Variants in MNAT1 observed in about 807,000 individuals in gnomAD.
MNAT1 encodes CDK-activating kinase assembly factor MAT1.
A neutral mutation model predicts 42.0 loss-of-function variants in MNAT1; 43 were observed. The ratio of observed to expected loss-of-function variants is 1.02; its 90% confidence interval spans 0.80 to 1.32. The LOEUF is 1.32. Ranked by LOEUF, MNAT1 falls within the 40% of genes most tolerant of loss-of-function variation. The pLI is 0.00. For synonymous variants in MNAT1, 118 were observed against 120.0 expected, an observed-to-expected ratio of 0.98 and a Z score of 0.11; for missense variants, 306 against 350.4, an observed-to-expected ratio of 0.87 and a Z score of 1.01.
intron 7 of MNAT1, among the ~76,000 whole-genome samples, chr14:60,928,410 G>A (rs775879703): frequency 6.6e-6 from 1 of 152,120 alleles, no homozygotes; most frequent in Non-Finnish European, 1.5e-5. Context: ...TAACAAATTT[G>A]TATTTAACTT....
chr14:60,850,883 C>T (rs781453269), intron 6 of MNAT1, among the ~76,000 whole-genome samples: 62 of 152,008 alleles, frequency 4.1e-4, no homozygotes, highest in Non-Finnish European at 7.4e-4. Flanking sequence ...GTTAAGTTGT[C>T]AAAAAACAAA....
chr14:60,954,178 A>G (rs1236518588), intron 7 of MNAT1, among the ~76,000 whole-genome samples: 1 of 151,988 alleles, frequency 6.6e-6, no homozygotes, highest in Non-Finnish European at 1.5e-5. Context: ...TTATTTGCCT[A>G]TTCAAGGTCT....
At chr14:60,794,948 C>T (rs916756622) in intron 1 of MNAT1, among the ~76,000 whole-genome samples, 15 of 151,742 alleles carry the variant, frequency 9.9e-5, no homozygotes, top group Non-Finnish European at 2.2e-4. Context: ...TTAGGCACTG[C>T]GGATAGAGAA....
At chr14:60,922,787 A>G (rs1435774284) in intron 7 of MNAT1, among the ~76,000 whole-genome samples, 3 of 152,240 alleles carry the variant, frequency 2.0e-5, no homozygotes, top group Non-Finnish European at 4.4e-5. Context: ...AGTTCAACGT[A>G]TAAACTCAGT....
intron 6 of MNAT1, among the ~76,000 whole-genome samples, chr14:60,871,004 C>T (rs985371936): frequency 1.3e-5 from 2 of 152,130 alleles, no homozygotes; most frequent in African/African-American, 4.8e-5. Context: ...TATATTGGTC[C>T]TTCACATCTG....
chr14:60,737,242 T>G (rs977457127), intron 1 of MNAT1, among the ~76,000 whole-genome samples: 1 of 152,164 alleles, frequency 6.6e-6, no homozygotes, highest in Admixed American at 6.5e-5. Context: ...AGGTAAAAAT[T>G]TCTGTGGTTC....
At chr14:60,781,323 C>T (rs2031452999) in intron 1 of MNAT1, among the ~76,000 whole-genome samples, 1 of 152,118 alleles carries the variant, frequency 6.6e-6, no homozygotes, top group South Asian at 2.1e-4. Flanking sequence ...ATATAATCCA[C>T]TCATTTTTCT....
At chr14:60,834,186 A>T (rs1017518107) in intron 6 of MNAT1, among the ~76,000 whole-genome samples, 3 of 151,538 alleles carry the variant, frequency 2.0e-5, no homozygotes, top group African/African-American at 7.3e-5. Context: ...TTCTGCTCTG[A>T]TCTTAGTTAT....
At chr14:60,931,285 T>C (rs2035876689) in intron 7 of MNAT1, among the ~76,000 whole-genome samples, 1 of 152,196 alleles carries the variant, frequency 6.6e-6, no homozygotes, top group South Asian at 2.1e-4. Flanking sequence ...CTATAGAATA[T>C]GCCACTTAGA....
At chr14:60,891,070 C>T (rs903137213) in intron 7 of MNAT1, among the ~76,000 whole-genome samples, 1 of 152,186 alleles carries the variant, frequency 6.6e-6, no homozygotes, top group Non-Finnish European at 1.5e-5. Context: ...CCAGTTTGCT[C>T]ATAGTTCTCT....
Position 60,755,290 on chromosome 14 carries a change from C to T in MNAT1, c.89+20339C>T, listed in dbSNP as rs562223385. Among the ~76,000 whole-genome samples, 4 of 152,242 alleles carry T rather than the reference C, an allele frequency of 2.6e-5. No homozygotes were observed. In the East Asian group the frequency reaches 5.8e-4, roughly 22 times the overall value. ...TCCAGAATAGCTGGGACTGCAGGCACGTGCCACCACACCTGGCTACTTTTT... is the reference window on the plus strand; with the variant it reads ...TCCAGAATAGCTGGGACTGCAGGCATGTGCCACCACACCTGGCTACTTTTT... On this transcript the variant is annotated intron_variant, in intron 1 of 7. Transcript: ENST00000261245.
chr14:60,752,281 T>G (rs529566028), intron 1 of MNAT1, among the ~76,000 whole-genome samples: 3 of 152,310 alleles, frequency 2.0e-5, no homozygotes, highest in African/African-American at 7.2e-5. Context: ...ATTTTTGAGA[T>G]CTATTGGAGC....
chr14:60,901,345 A>C (rs969018648), intron 7 of MNAT1, among the ~76,000 whole-genome samples: 1 of 152,210 alleles, frequency 6.6e-6, no homozygotes, highest in African/African-American at 2.4e-5. Flanking sequence ...ACATCTGGTC[A>C]CCTAAGACTT....
chr14:60,945,259 A>G (rs1267366851), intron 7 of MNAT1, among the ~76,000 whole-genome samples: 2 of 152,056 alleles, frequency 1.3e-5, no homozygotes, highest in East Asian at 3.9e-4. Flanking sequence ...TTTTTTTCTA[A>G]ATCCATCTTT....
chr14:60,913,894 TTTTG>T (rs1375497576), intron 7 of MNAT1, among the ~76,000 whole-genome samples: 1 of 152,324 alleles, frequency 6.6e-6, no homozygotes, highest in East Asian at 1.9e-4. Context: ...GTTATTGCTC[TTTTG>T]TTTGTCTGTG....
intron 6 of MNAT1, among the ~76,000 whole-genome samples, chr14:60,865,095 TACTAGGC>T (rs1305174197): frequency 6.6e-6 from 1 of 152,088 alleles, no homozygotes; most frequent in Non-Finnish European, 1.5e-5. Context: ...CCAACTACTG[TACTAGGC>T]ACAGAAGAGT....
At chr14:60,904,103 C>T (rs548372640) in intron 7 of MNAT1, among the ~76,000 whole-genome samples, 1 of 152,194 alleles carries the variant, frequency 6.6e-6, no homozygotes, top group East Asian at 1.9e-4. Context: ...GAACTCCTGA[C>T]CTTGTGATCC....
intron 7 of MNAT1, among the ~76,000 whole-genome samples, chr14:60,896,222 A>C (rs867307685): frequency 2.0e-5 from 3 of 152,182 alleles, no homozygotes; most frequent in Non-Finnish European, 4.4e-5. Context: ...ATACATAAAC[A>C]TGTTTTATTC....
intron 6 of MNAT1, among the ~76,000 whole-genome samples, chr14:60,879,039 T>G (rs1253113613): frequency 6.6e-6 from 1 of 152,120 alleles, no homozygotes; most frequent in Non-Finnish European, 1.5e-5. Context: ...TGAACAAGTT[T>G]TTTTTTTTTT....
Sources: gnomAD v4.1 joint callset for allele counts (sites outside exome capture counted in the v4.1 genomes callset) on GRCh38, gnomAD v4.1.1 for gene constraint, MANE v1.5 for transcripts, NCBI Gene and HGNC (gene_info 2026-07-23, HGNC 2026-07-21) for gene names.